ERBB4: variants seen among roughly 807,000 people sequenced by gnomAD.
ERBB4 encodes erb-b2 receptor tyrosine kinase 4, also known as receptor tyrosine-protein kinase erbB-4.
ERBB4 carries 42 observed loss-of-function variants against 158.0 expected under a neutral mutation model. The ratio of observed to expected loss-of-function variants is 0.27; its 90% CI spans 0.21 to 0.34. ERBB4 has a LOEUF of 0.34. Ranked by LOEUF, ERBB4 falls within the 10% of genes least tolerant of loss-of-function variation. The probability of loss-of-function intolerance (pLI) is 1.00; values close to 1 mark genes in which losing one functional copy is unlikely to be tolerated. For synonymous variants in ERBB4, 583 were observed against 558.7 expected, an observed-to-expected ratio of 1.04 and a Z score of -0.61; for missense variants, 1,333 against 1,624.1, an observed-to-expected ratio of 0.82 and a Z score of 3.08.
At chr2:211,977,445 C>A (rs1051651383) in intron 2 of ERBB4, among the ~76,000 whole-genome samples, 1 of 149,354 alleles carries the variant, frequency 6.7e-6, no homozygotes, top group African/African-American at 2.5e-5. Flanking sequence ...ACAACTTTCC[C>A]AATTCTTTGC....
chr2:211,562,296 C>G lies in ERBB4; in HGVS notation c.2302-208G>C, dbSNP rs73985499. On this transcript the variant is annotated intron_variant, in intron 19 of 27. Coordinates refer to ENST00000342788, the MANE Select transcript of ERBB4 (RefSeq NM_005235.3). The stretch of plus-strand genomic sequence containing the variant: ...AAATAAACAACAAAGTCTCTACATG[C>G]ATTAACATGGAAGCTGTTATACAAT... Among the ~76,000 whole-genome samples the G allele has an allele frequency of 6.3e-3, 954 of 152,292 alleles. 8 individuals are homozygous for G. The highest frequency in any genetic ancestry group is 0.021 in the African/African-American group (870 of 41,566).
At chr2:212,419,990 G>A (rs1385243721) in intron 1 of ERBB4, among the ~76,000 whole-genome samples, 2 of 151,834 alleles carry the variant, frequency 1.3e-5, no homozygotes, top group East Asian at 3.8e-4. Context: ...CATTCTAAGT[G>A]CAAAGTTATA....
intron 19 of ERBB4, among the ~76,000 whole-genome samples, chr2:211,597,667 C>CTTTTACATATTTA (rs6147152): frequency 0.92 from 139,545 of 151,704 alleles, 64,224 homozygotes; most frequent in African/African-American, 0.95. Context: ...ACAAATTCAT[C>CTTTTACATATTTA]TTTTCATTAG....
chr2:212,424,405 C>T (rs1251023920), intron 1 of ERBB4, among the ~76,000 whole-genome samples: 1 of 152,082 alleles, frequency 6.6e-6, no homozygotes, highest in African/African-American at 2.4e-5. Flanking sequence ...AAGCTATTCC[C>T]CATGCACATA....
Position 211,774,929 on chromosome 2 carries a change from T to G in ERBB4, c.556+13096A>C, listed in dbSNP as rs575926350. Among the ~76,000 whole-genome samples, 3 of 152,300 alleles carry G rather than the reference T, an allele frequency of 2.0e-5. No individual in the cohort carries two copies. In the South Asian group the frequency reaches 6.2e-4, roughly 32 times the overall value. On this transcript the variant is annotated intron_variant, in intron 4 of 27. Transcript: ENST00000342788. ...TAAGTAATAGATTAGTCCAATGTAATGTTAGGAGTTCAGTAGAGTGACTAG... is the reference window on the plus strand; with the variant it reads ...TAAGTAATAGATTAGTCCAATGTAAGGTTAGGAGTTCAGTAGAGTGACTAG...
chr2:211,842,464 G>A (rs1382783650), intron 3 of ERBB4, among the ~76,000 whole-genome samples: 1 of 151,124 alleles, frequency 6.6e-6, no homozygotes, highest in African/African-American at 2.4e-5. Context: ...TCAAGAAATA[G>A]ATTATTTTTG....
chr2:212,203,369 G>A (rs1156576791), intron 1 of ERBB4, among the ~76,000 whole-genome samples: 1 of 152,096 alleles, frequency 6.6e-6, no homozygotes, highest in Non-Finnish European at 1.5e-5. Context: ...CCCTGATAAA[G>A]AGACATGAAG....
intron 3 of ERBB4, among the ~76,000 whole-genome samples, chr2:211,854,497 C>T (rs1282525492): frequency 6.6e-6 from 1 of 152,086 alleles, no homozygotes; most frequent in Non-Finnish European, 1.5e-5. Flanking sequence ...ACATCCTCAC[C>T]TTTCAACAGG....
At chr2:211,487,103 C>G (rs13020659) in intron 20 of ERBB4, among the ~76,000 whole-genome samples, 4 of 150,366 alleles carry the variant, frequency 2.7e-5, no homozygotes, top group Non-Finnish European at 5.9e-5. Flanking sequence ...CCCATTAACT[C>G]GTCATTTACA....
intron 1 of ERBB4, among the ~76,000 whole-genome samples, chr2:212,397,066 A>G (rs1009919384): frequency 6.6e-6 from 1 of 152,216 alleles, no homozygotes; most frequent in African/African-American, 2.4e-5. Flanking sequence ...GATATTTTAA[A>G]TAATCTTTAC....
chr2:212,020,555 T>C (rs931039386), intron 2 of ERBB4, among the ~76,000 whole-genome samples: 6 of 152,138 alleles, frequency 3.9e-5, no homozygotes, highest in Non-Finnish European at 8.8e-5. Flanking sequence ...CTTTTACTTA[T>C]ATTTATGTAA....
intron 2 of ERBB4, among the ~76,000 whole-genome samples, chr2:211,985,708 T>TAAAAATATTA (rs1329552603): frequency 6.6e-6 from 1 of 151,932 alleles, no homozygotes; most frequent in East Asian, 1.9e-4. Flanking sequence ...TTATTTTGGA[T>TAAAAATATTA]ATTTTTCAAA....
chr2:212,344,850 A>G (rs1359481126), intron 1 of ERBB4, among the ~76,000 whole-genome samples: 1 of 152,162 alleles, frequency 6.6e-6, no homozygotes, highest in East Asian at 1.9e-4. Flanking sequence ...CCAGTTGTCA[A>G]ATTTCAGTGG....
intron 1 of ERBB4, among the ~76,000 whole-genome samples, chr2:212,250,037 A>T (rs1292797839): frequency 3.3e-5 from 5 of 152,030 alleles, no homozygotes; most frequent in African/African-American, 9.7e-5. Context: ...TTATCAATTT[A>T]ATCATTGAAC....
intron 20 of ERBB4, among the ~76,000 whole-genome samples, chr2:211,515,912 A>ATATATATATATATATATATTTTT (rs35696520): frequency 2.2e-4 from 17 of 78,974 alleles, no homozygotes; most frequent in Non-Finnish European, 2.9e-4. Flanking sequence ...ATATATATAT[A>ATATATATATATATATATATTTTT]TTTTTTTTTT....
At chr2:212,417,793 G>T (rs996712263) in intron 1 of ERBB4, among the ~76,000 whole-genome samples, 1 of 151,948 alleles carries the variant, frequency 6.6e-6, no homozygotes, top group African/African-American at 2.4e-5. Context: ...TAATGACACA[G>T]AAATAAGTTA....
chr2:211,480,465 C>T (rs2065054668), intron 20 of ERBB4, among the ~76,000 whole-genome samples: 1 of 152,136 alleles, frequency 6.6e-6, no homozygotes, highest in Admixed American at 6.6e-5. Flanking sequence ...CCTTTGCTCC[C>T]TCCCCTGCCA....
chr2:212,345,550 G>A (rs2088957192), intron 1 of ERBB4, among the ~76,000 whole-genome samples: 1 of 152,032 alleles, frequency 6.6e-6, no homozygotes, highest in Non-Finnish European at 1.5e-5. Flanking sequence ...TAGCTAACAT[G>A]CCGTAAATGT....
At chr2:211,816,215 A>G (rs1334261980) in intron 3 of ERBB4, among the ~76,000 whole-genome samples, 1 of 152,106 alleles carries the variant, frequency 6.6e-6, no homozygotes, top group East Asian at 1.9e-4. Context: ...GTAAAAGTAT[A>G]TTTAGCTGTT....
Sources: allele counts gnomAD v4.1 joint callset (sites outside exome capture counted in the v4.1 genomes callset), GRCh38; gene constraint gnomAD v4.1.1; transcripts MANE v1.5; gene names NCBI Gene and HGNC (gene_info 2026-07-23, HGNC 2026-07-21).